Variants in FAM13C observed in about 807,000 individuals in gnomAD.
FAM13C encodes the protein protein FAM13C.
A neutral mutation model predicts 73.2 loss-of-function variants in FAM13C; 37 were observed. That is an observed-to-expected ratio of 0.51 (90% CI 0.39 to 0.67). The LOEUF (loss-of-function observed/expected upper bound fraction) is 0.67. Ranked by LOEUF, FAM13C falls within the 30% of genes least tolerant of loss-of-function variation. The probability of loss-of-function intolerance (pLI) is 0.00; values close to 1 mark genes in which losing one functional copy is unlikely to be tolerated. For missense variants in FAM13C, 589 were observed against 715.6 expected, an observed-to-expected ratio of 0.82 and a Z score of 2.02; for synonymous variants, 246 against 260.9, an observed-to-expected ratio of 0.94 and a Z score of 0.55.
intron 5 of FAM13C, among the ~76,000 whole-genome samples, chr10:59,301,853 T>G (rs1056055522): frequency 1.3e-5 from 2 of 152,244 alleles, no homozygotes; most frequent in Non-Finnish European, 2.9e-5. Flanking sequence ...GCTATTTAAC[T>G]TGGCTTAACC....
intron 2 of FAM13C, among the ~76,000 whole-genome samples, chr10:59,353,204 A>T (rs1855296359): frequency 6.6e-6 from 1 of 152,158 alleles, no homozygotes; most frequent in South Asian, 2.1e-4. Flanking sequence ...TTCGTTCAAC[A>T]ATCAAATTCT....
At chr10:59,256,523 C>A (rs1049241156) in intron 10 of FAM13C, among the ~76,000 whole-genome samples, 1 of 152,266 alleles carries the variant, frequency 6.6e-6, no homozygotes, top group Non-Finnish European at 1.5e-5. Flanking sequence ...ACTTTGATTC[C>A]GTTGTCTTCC....
intron 10 of FAM13C, among the ~76,000 whole-genome samples, chr10:59,259,087 A>T (rs1018488989): frequency 2.0e-5 from 3 of 152,288 alleles, no homozygotes; most frequent in Middle Eastern, 3.4e-3. Context: ...AGCTCAGGGG[A>T]TGATTAATTA....
intron 3 of FAM13C, among the ~76,000 whole-genome samples, chr10:59,326,552 G>T (rs1393804362): frequency 6.6e-6 from 1 of 152,112 alleles, no homozygotes; most frequent in Non-Finnish European, 1.5e-5. Flanking sequence ...CCCAAGTACA[G>T]CCTTTCTTAG....
chr10:59,252,707 T>A, intron 12 of FAM13C, 92 bp downstream of exon 12: 1 of 1,269,312 alleles, frequency 7.9e-7, no homozygotes, highest in Non-Finnish European at 1.1e-6. Context: ...CCCCTTTGAG[T>A]CCAGCATTTT....
rs1425908718 is a variant in FAM13C, at chr10:59,324,022, A to T, written c.409T>A (p.Phe137Ile). Residue 137 changes from phenylalanine (F) to isoleucine (I), a missense_variant, in exon 4 of 14, where the codon TTC (phenylalanine) becomes ATC (isoleucine). Coordinates refer to ENST00000618804, the MANE Select transcript of FAM13C (RefSeq NM_198215.4). Reference protein sequence around the residue: ...PAHESPQNNAFKCQETVRLQP... With the variant: ...PAHESPQNNAIKCQETVRLQP... ...AGTCGCACTGTTTCTTGGCACTTGA[A>T]GGCATTGTTTTGTGGACTCTCATGA... 1.9e-6 allele frequency: 3 copies of T among 1,613,958 alleles called. No individual in the cohort carries two copies. Among genetic ancestry groups the T allele is most frequent in the Non-Finnish European group, 2.5e-6 (3 of 1,179,970 alleles).
intron 4 of FAM13C, among the ~76,000 whole-genome samples, 154 bp downstream of exon 4, chr10:59,323,834 T>A (rs560373494): frequency 2.0e-5 from 3 of 152,174 alleles, no homozygotes; most frequent in Non-Finnish European, 2.9e-5. Context: ...ACTCAGCGAT[T>A]CCTCTTCTAG....
chr10:59,278,981 T>C lies in FAM13C; in HGVS notation c.592+4382A>G, dbSNP rs577672294. Among the ~76,000 whole-genome samples, 13 of 152,354 alleles carry C rather than the reference T, an allele frequency of 8.5e-5. No homozygotes were observed. The East Asian group carries it at 2.1e-3, about 25-fold the overall frequency. On this transcript the variant is annotated intron_variant, in intron 6 of 13. Coordinates refer to ENST00000618804, the MANE Select transcript of FAM13C (RefSeq NM_198215.4). ...GGTTGCCCCCACATAGGCTGAAATA[T>C]CAAGTTTTATGGATAACCAGATGCT...
intron 5 of FAM13C, among the ~76,000 whole-genome samples, chr10:59,283,943 G>A (rs368864800): frequency 2.6e-5 from 4 of 152,232 alleles, no homozygotes; most frequent in East Asian, 3.9e-4. Context: ...GCAGCAAACT[G>A]CAGTGCACAA....
In FAM13C at chr10:59,285,942, G is replaced by C. The variant is rs1015002599; in HGVS notation, c.508-2495C>G. On this transcript the variant is annotated intron_variant, in intron 5 of 13. Transcript: ENST00000618804. ...CAGGACTGTGAAAAAATACATTTCT[G>C]TTGTTTAAGTTTCCAAGTCTGATAT... Among the ~76,000 whole-genome samples the C allele has an allele frequency of 2.0e-4, 30 of 146,824 alleles. 1 individual carries two copies. Among genetic ancestry groups the C allele is most frequent in the Non-Finnish European group, 4.4e-5 (3 of 67,504 alleles).
chr10:59,266,989 C>G (rs1843143823), intron 8 of FAM13C, among the ~76,000 whole-genome samples: 1 of 152,160 alleles, frequency 6.6e-6, no homozygotes, highest in African/African-American at 2.4e-5. Context: ...TTATTTACTA[C>G]TTACAAACTT....
chr10:59,360,884 ACGT>A, intron 1 of FAM13C: 272 of 309,360 alleles, frequency 8.8e-4, no homozygotes, highest in East Asian at 1.8e-3. Context: ...AAAAAAGTCC[ACGT>A]GAAATCTGGA....
chr10:59,347,442 T>C (rs1854454571), intron 3 of FAM13C, among the ~76,000 whole-genome samples: 1 of 152,194 alleles, frequency 6.6e-6, no homozygotes, highest in Admixed American at 6.5e-5. Context: ...GCGATCAGAA[T>C]AAAGGTAAGA....
rs560900615 is a variant in FAM13C at position 59,352,161 on chromosome 10, T to G, written c.324+109A>C. On this transcript the variant is annotated intron_variant, in intron 3 of 13. Transcript: ENST00000618804. ...CGGCAGAGCACGCAATGACAAGTCG[T>G]GCCAATCCCCTCCCGCAAAACAGTG... 3.2e-6 allele frequency: 4 copies of G among 1,266,100 alleles called. No homozygotes were observed. The East Asian group carries it at 9.4e-5, about 30-fold the overall frequency. The allele number at this position is 1,266,100 out of a possible 1,614,324, so 78.4% of individuals were successfully genotyped here.
At chr10:59,322,367 G>T (rs541930755) in intron 4 of FAM13C, among the ~76,000 whole-genome samples, 1 of 152,344 alleles carries the variant, frequency 6.6e-6, no homozygotes, top group Admixed American at 6.5e-5. Flanking sequence ...TGACAGCGGT[G>T]CACAGAACAG....
intron 3 of FAM13C, among the ~76,000 whole-genome samples, chr10:59,326,035 C>T (rs1173408096): frequency 6.6e-6 from 1 of 151,810 alleles, no homozygotes; most frequent in Non-Finnish European, 1.5e-5. Context: ...GGAAAGAGTA[C>T]TGTTTGATTT....
chr10:59,263,822 T>G, intron 9 of FAM13C: 3 of 448,972 alleles, frequency 6.7e-6, no homozygotes, highest in South Asian at 4.8e-5. Flanking sequence ...GTGCTCCACA[T>G]GTTGAAATGT....
At chr10:59,331,384 T>C (rs1248286825) in intron 3 of FAM13C, among the ~76,000 whole-genome samples, 1 of 152,140 alleles carries the variant, frequency 6.6e-6, no homozygotes, top group Non-Finnish European at 1.5e-5. Flanking sequence ...AGTGAGAGCA[T>C]GGAATGTTCA....
At chr10:59,358,281 G>A (rs1855958799) in intron 1 of FAM13C, among the ~76,000 whole-genome samples, 1 of 152,170 alleles carries the variant, frequency 6.6e-6, no homozygotes, top group Non-Finnish European at 1.5e-5. Flanking sequence ...AGGAGGCTGA[G>A]GCACGAGAAC....
Sources: allele counts gnomAD v4.1 joint callset (sites outside exome capture counted in the v4.1 genomes callset), GRCh38; gene constraint gnomAD v4.1.1; transcripts MANE v1.5; gene names NCBI Gene and HGNC (gene_info 2026-07-23, HGNC 2026-07-21).